Variants in HAGH observed in about 807,000 individuals in gnomAD.
HAGH encodes the protein hydroxyacylglutathione hydrolase, mitochondrial.
Under a neutral mutation model 35.1 loss-of-function variants are expected in HAGH, and 29 were observed. The ratio of observed to expected loss-of-function variants is 0.83; its 90% CI spans 0.62 to 1.13. HAGH has a LOEUF of 1.13. HAGH is among the 50% of genes most tolerant of loss of function. The probability of loss-of-function intolerance (pLI) is 0.00; values close to 1 mark genes in which losing one functional copy is unlikely to be tolerated. For synonymous variants in HAGH, 225 were observed against 176.1 expected (o/e 1.28, Z -2.20); for missense variants, 478 against 419.6 (o/e 1.14, Z -1.22).
chr16:1,820,807 C>T (rs960573543), intron 3 of HAGH, among the ~76,000 whole-genome samples: 2 of 152,242 alleles, frequency 1.3e-5, no homozygotes, highest in South Asian at 4.1e-4. Context: ...CCCTCTGCCC[C>T]TCCCACCCTT....
rs1244017157 is a variant in HAGH, at chr16:1,822,959, T to C, written c.155A>G (p.Glu52Gly). The change falls in exon 2 of 9, where the codon GAG becomes GGG. Residue 52 changes from glutamate to glycine, a missense_variant. Coordinates refer to ENST00000397356, the MANE Select transcript of HAGH (RefSeq NM_005326.6). ...LTVDEGTMKVEVLPALTDNYM... is the reference protein window; with the variant it reads ...LTVDEGTMKVGVLPALTDNYM... ...GTTGTCGGTCAGGGCAGGCAGCACC[T>C]CTACCTTCATGGTGCCCTCGTCCAC... 1 of 1,613,028 alleles carries C rather than the reference T, an allele frequency of 6.2e-7. No individual in the cohort carries two copies. The highest frequency in any genetic ancestry group is 8.5e-7 in the Non-Finnish European group (1 of 1,179,206).
intron 7 of HAGH, 125 bp from the exon 8 acceptor site, chr16:1,809,958 G>GT (rs1320287754): frequency 2.8e-6 from 2 of 707,060 alleles, no homozygotes; most frequent in Admixed American, 2.1e-5. Context: ...GAGCCCTGGA[G>GT]TTTGAGACCA....
chr16:1,822,185 C>T (rs1898181643), intron 3 of HAGH, 115 bp downstream of exon 3: 2 of 710,066 alleles, frequency 2.8e-6, no homozygotes, highest in African/African-American at 1.7e-5. Flanking sequence ...CTGCTGGGGG[C>T]TTGTCCTCAC....
At chr16:1,823,744 TAAAAAAA>T (rs71145496) in intron 1 of HAGH, among the ~76,000 whole-genome samples, 10,418 of 55,986 alleles carry the variant, frequency 0.19, 887 homozygotes, top group South Asian at 0.31. Context: ...ACCTGTTCCT[TAAAAAAA>T]AAAAAAAAAA....
chr16:1,815,597 C>T (rs958573481), intron 7 of HAGH, among the ~76,000 whole-genome samples: 4 of 152,136 alleles, frequency 2.6e-5, no homozygotes, highest in Non-Finnish European at 5.9e-5. Flanking sequence ...CAACAGCTGG[C>T]GGGGACGCCA....
In HAGH at chr16:1,826,702, C is replaced by T; in HGVS notation, c.76+10G>A. 9.3e-7 allele frequency: 1 copy of T among 1,072,206 alleles called. No homozygotes were observed. The highest frequency in any genetic ancestry group is 1.1e-6 in the Non-Finnish European group (1 of 886,022). 66.4% of individuals were successfully genotyped at this position (1,072,206 alleles called of 1,614,324 possible). The stretch of plus-strand genomic sequence containing the variant: ...GCGTCCCCCGGCCCGCACCGCCCCG[C>T]CGCACCCACCGAGGCCTCGGCGGGC... On this transcript the variant is annotated intron_variant, in intron 1 of 8. Coordinates refer to ENST00000397356, the MANE Select transcript of HAGH (RefSeq NM_005326.6).
intron 8 of HAGH, 104 bp downstream of exon 8, chr16:1,809,650 A>G (rs1897547720): frequency 6.9e-6 from 6 of 870,328 alleles, no homozygotes; most frequent in Non-Finnish European, 1.1e-5. Context: ...CAGCTCCCCA[A>G]GGCAGCCTCA....
At position 1,822,297 on chromosome 16, in the gene HAGH, T is replaced by G. The variant is rs754983185; in HGVS notation, c.314+3A>C. The G allele has an allele frequency of 1.2e-6, 2 of 1,603,774 alleles. No homozygotes were observed. Among genetic ancestry groups the G allele is most frequent in the Non-Finnish European group, 1.7e-6 (2 of 1,171,368 alleles). On this transcript the variant is annotated splice_donor_region_variant and intron_variant, in intron 3 of 8. Transcript: ENST00000397356. ...ACACCCCCAGGTGAGACGCGGCACTTACCAGTGGTGGTGGGTGGTGAGCAC... is the reference window on the plus strand; with the variant it reads ...ACACCCCCAGGTGAGACGCGGCACTGACCAGTGGTGGTGGGTGGTGAGCAC...
chr16:1,821,438 G>C (rs1248122996), intron 3 of HAGH: 1 of 152,262 alleles, frequency 6.6e-6, no homozygotes, highest in Non-Finnish European at 1.5e-5. Flanking sequence ...CCTGGCTCAG[G>C]AGAAAGGTGC....
intron 6 of HAGH, 46 bp downstream of exon 6, chr16:1,817,122 T>A (rs928681864): frequency 2.8e-6 from 4 of 1,422,884 alleles, no homozygotes; most frequent in Non-Finnish European, 4.0e-6. Context: ...AGCCCCGCCC[T>A]GGTTAAGGCC....
chr16:1,826,941 T>C (rs1458431144), upstream of HAGH: 2 of 643,540 alleles, frequency 3.1e-6, no homozygotes, highest in Non-Finnish European at 4.9e-6. Context: ...CGCGCTCAAC[T>C]TGTTTTGTCC....
intron 5 of HAGH, among the ~76,000 whole-genome samples, chr16:1,818,023 T>G (rs1031581300): frequency 6.6e-6 from 1 of 152,134 alleles, no homozygotes; most frequent in Non-Finnish European, 1.5e-5. Flanking sequence ...GCACGAGAGA[T>G]GGGAATGGAC....
In HAGH at chr16:1,809,348, C is replaced by T; in HGVS notation, c.862G>A (p.Asp288Asn). The change falls in exon 9 of 9, where the codon GAC (aspartate) becomes AAC (asparagine). Residue 288 changes from aspartate to asparagine, a missense_variant. By Grantham distance (23) the Asp-to-Asn change is conservative. Transcript: ENST00000397356. Reference protein sequence around the residue: ...KTVQQHAGETDPVTTMRAVRR... With the variant: ...KTVQQHAGETNPVTTMRAVRR... Reference sequence around the variant, plus strand: ...ACGGCCCGCATGGTGGTCACCGGGTCCGTCTCACCTGCGTGCTGCTGCACC... The same window carrying T: ...ACGGCCCGCATGGTGGTCACCGGGTTCGTCTCACCTGCGTGCTGCTGCACC... 1 of 1,613,332 alleles carries T rather than the reference C, an allele frequency of 6.2e-7. No homozygotes were observed. The highest frequency in any genetic ancestry group is 8.5e-7 in the Non-Finnish European group (1 of 1,179,936).
At chr16:1,819,266 G>A (rs1207289618) in intron 4 of HAGH, 43 bp from the exon 5 acceptor site, 4 of 1,304,814 alleles carry the variant, frequency 3.1e-6, no homozygotes, top group Non-Finnish European at 2.2e-6. Flanking sequence ...AGACACCCTG[G>A]AGAGCCATCT....
At position 1,809,115 on chromosome 16, in the gene HAGH, A is replaced by G; in HGVS notation, c.*168T>C. Reference sequence around the variant, plus strand: ...CTGCAAGGGGAAGTTATGGGAATAAATACTTGTTAAACTTCTCTTATAAAT... The same window carrying G: ...CTGCAAGGGGAAGTTATGGGAATAAGTACTTGTTAAACTTCTCTTATAAAT... On this transcript the variant is annotated 3_prime_UTR_variant, in exon 9 of 9. Coordinates refer to ENST00000397356, the MANE Select transcript of HAGH (RefSeq NM_005326.6). 1 of 601,684 alleles carries G rather than the reference A, an allele frequency of 1.7e-6. No homozygotes were observed. The highest frequency in any genetic ancestry group is 2.2e-5 in the South Asian group (1 of 45,454). 37.3% of individuals were successfully genotyped at this position (601,684 alleles called of 1,614,324 possible).
At chr16:1,820,865 C>T (rs1319554537) in intron 3 of HAGH, among the ~76,000 whole-genome samples, 1 of 152,212 alleles carries the variant, frequency 6.6e-6, no homozygotes, top group African/African-American at 2.4e-5. Flanking sequence ...CACCACCCAC[C>T]ATCGGTGAGC....
At chr16:1,822,415 C>A (rs747601766) in intron 2 of HAGH, 51 bp from the exon 3 acceptor site, 38 of 1,359,734 alleles carry the variant, frequency 2.8e-5, no homozygotes, top group Non-Finnish European at 4.0e-5. Context: ...CTAGGCCTGG[C>A]TTGCTGGCCT....
At chr16:1,810,562 G>C (rs9932450) in intron 7 of HAGH, 6,302 of 152,754 alleles carry the variant, frequency 0.041, 392 homozygotes, top group South Asian at 0.12. Flanking sequence ...GCACTGACCA[G>C]GGCAGATGGG....
intron 1 of HAGH, among the ~76,000 whole-genome samples, chr16:1,825,052 C>G (rs1480213127): frequency 3.3e-5 from 5 of 152,356 alleles, no homozygotes; most frequent in Non-Finnish European, 7.3e-5. Context: ...CGTGCGGTGG[C>G]TCACGCCTGT....
Sources: gnomAD v4.1 joint callset for allele counts (sites outside exome capture counted in the v4.1 genomes callset) on GRCh38, gnomAD v4.1.1 for gene constraint, MANE v1.5 for transcripts, NCBI Gene and HGNC (gene_info 2026-07-23, HGNC 2026-07-21) for gene names.